MYO16: variants seen among roughly 807,000 people sequenced by gnomAD.
MYO16 encodes the protein unconventional myosin-XVI.
A neutral mutation model predicts 205.3 loss-of-function variants in MYO16; 94 were observed. The ratio of observed to expected loss-of-function variants is 0.46; its 90% CI spans 0.39 to 0.54. The LOEUF (loss-of-function observed/expected upper bound fraction) is 0.54. Among genes scored for constraint, MYO16 ranks in the 20% least tolerant of loss-of-function variants. The pLI, the probability that MYO16 is intolerant of heterozygous loss-of-function variation, is 0.00. For missense variants in MYO16, 2,315 were observed against 2,387.5 expected (o/e 0.97, Z 0.63); for synonymous variants, 988 against 954.0 (o/e 1.04, Z -0.66).
chr13:108,674,299 T>C (rs1882111384), intron 2 of MYO16, among the ~76,000 whole-genome samples: 1 of 152,206 alleles, frequency 6.6e-6, no homozygotes, highest in Non-Finnish European at 1.5e-5. Flanking sequence ...TACTAGATTG[T>C]CTCAGAAGTT....
intron 27 of MYO16, among the ~76,000 whole-genome samples, chr13:109,075,714 T>A (rs1426286776): frequency 6.6e-6 from 1 of 152,234 alleles, no homozygotes; most frequent in Non-Finnish European, 1.5e-5. Context: ...CCTTACATCT[T>A]CTTTAGTGAA....
At chr13:108,967,155 A>ATG (rs71204890) in intron 20 of MYO16, among the ~76,000 whole-genome samples, 5,437 of 124,490 alleles carry the variant, frequency 0.044, 97 homozygotes, top group Middle Eastern at 0.11. Flanking sequence ...GACTATATAT[A>ATG]TGTGTGTGTG....
chr13:108,753,034 C>T (rs1885292318), intron 4 of MYO16, among the ~76,000 whole-genome samples: 1 of 151,810 alleles, frequency 6.6e-6, no homozygotes, highest in Non-Finnish European at 1.5e-5. Context: ...TGAGACATTA[C>T]ACCAATATTT....
Position 108,960,954 on chromosome 13 carries a change from C to A in MYO16, c.2038-585C>A, listed in dbSNP as rs60649738. On this transcript the variant is annotated intron_variant, in intron 17 of 34. Coordinates refer to ENST00000457511, the MANE Select transcript of MYO16 (RefSeq NM_001198950.3). ...ATTTTTTTCTGTTTTCCTTAAAATA[C>A]CTTAAAAAACAATTAGCATTTTTTG... Among the ~76,000 whole-genome samples, 1,210 of 152,232 alleles carry A rather than the reference C, an allele frequency of 7.9e-3. 7 individuals carry two copies. The highest frequency in any genetic ancestry group is 0.027 in the African/African-American group (1,111 of 41,522).
chr13:108,716,016 T>C (rs1566567669), intron 3 of MYO16, among the ~76,000 whole-genome samples: 1 of 151,878 alleles, frequency 6.6e-6, no homozygotes, highest in Non-Finnish European at 1.5e-5. Flanking sequence ...TCTCATAACA[T>C]ACACTCCTTG....
chr13:108,793,922 A>G (rs1886702449), intron 6 of MYO16, among the ~76,000 whole-genome samples: 3 of 152,188 alleles, frequency 2.0e-5, no homozygotes. Flanking sequence ...AAGACATGGA[A>G]TCAACCTAGA....
At chr13:108,543,835 G>T in the MYO16 span, among the ~76,000 whole-genome samples, 1 of 148,458 alleles carries the variant, frequency 6.7e-6, no homozygotes, top group East Asian at 2.0e-4. Flanking sequence ...GGAGGCCGGG[G>T]TGGGTGGATC....
intron 20 of MYO16, among the ~76,000 whole-genome samples, chr13:108,969,187 T>C (rs1257383664): frequency 6.6e-6 from 1 of 152,252 alleles, no homozygotes; most frequent in African/African-American, 2.4e-5. Flanking sequence ...ATGTAGTTTA[T>C]TCATAACTTG....
intron 5 of MYO16, among the ~76,000 whole-genome samples, chr13:108,788,319 C>T (rs945606711): frequency 3.9e-5 from 6 of 152,046 alleles, no homozygotes; most frequent in Non-Finnish European, 7.3e-5. Context: ...CCTGAGCCTG[C>T]CAGGCTGTGA....
At chr13:108,642,255 C>G (rs1471453264) in intron 1 of MYO16, among the ~76,000 whole-genome samples, 2 of 152,170 alleles carry the variant, frequency 1.3e-5, no homozygotes, top group Non-Finnish European at 2.9e-5. Flanking sequence ...ACAGGCACTG[C>G]CCGTGGCATG....
chr13:108,672,185 C>A (rs992484745), intron 2 of MYO16, among the ~76,000 whole-genome samples: 1 of 152,106 alleles, frequency 6.6e-6, no homozygotes, highest in African/African-American at 2.4e-5. Flanking sequence ...AGTATAACGT[C>A]TCTAGCATAT....
At chr13:108,526,802 G>A in the MYO16 span, among the ~76,000 whole-genome samples, 1 of 152,016 alleles carries the variant, frequency 6.6e-6, no homozygotes, top group Middle Eastern at 3.4e-3. Flanking sequence ...TTTTCTGTTG[G>A]TCACTACATC....
chr13:108,957,832 A>G, intron 17 of MYO16, 33 bp downstream of exon 17: 1 of 1,480,854 alleles, frequency 6.8e-7, no homozygotes, highest in Non-Finnish European at 9.4e-7. Flanking sequence ...CACTGAGAAA[A>G]TCAACCTTCT....
chr13:108,548,203 GATA>G, the MYO16 span, among the ~76,000 whole-genome samples: 10 of 150,954 alleles, frequency 6.6e-5, no homozygotes, highest in African/African-American at 1.9e-4. Context: ...TGCTGCATAT[GATA>G]ATGATGATGA....
At chr13:108,645,395 A>G (rs1216726421) in intron 1 of MYO16, among the ~76,000 whole-genome samples, 1 of 152,072 alleles carries the variant, frequency 6.6e-6, no homozygotes, top group Non-Finnish European at 1.5e-5. Flanking sequence ...AGTGTCGAAA[A>G]TGACCTCTAC....
intron 3 of MYO16, among the ~76,000 whole-genome samples, chr13:108,716,605 A>G (rs946484543): frequency 1.5e-4 from 23 of 152,210 alleles, no homozygotes; most frequent in African/African-American, 5.3e-4. Flanking sequence ...GAAAAAGGCA[A>G]TGTAGCCATC....
In MYO16 at chr13:108,852,177, A is replaced by G. The variant is rs74119662; in HGVS notation, c.1249-3266A>G. Among the ~76,000 whole-genome samples the G allele has an allele frequency of 3.6e-3, 550 of 152,186 alleles. 6 individuals are homozygous for G. Among genetic ancestry groups the G allele is most frequent in the African/African-American group, 0.013 (536 of 41,518 alleles). ...TTCAAAGCATCCTGTTTTTCCCTTC[A>G]CGTACATTTTGTACTTGTCATTTCT... On this transcript the variant is annotated intron_variant, in intron 10 of 34. Coordinates refer to ENST00000457511, the MANE Select transcript of MYO16 (RefSeq NM_001198950.3).
intron 15 of MYO16, among the ~76,000 whole-genome samples, chr13:108,901,198 G>T (rs9645871): frequency 6.6e-6 from 1 of 151,948 alleles, no homozygotes; most frequent in Non-Finnish European, 1.5e-5. Context: ...CTGTGATCTC[G>T]CCCTGCCTCC....
At chr13:108,900,473 A>G (rs1464997492) in intron 15 of MYO16, among the ~76,000 whole-genome samples, 2 of 152,252 alleles carry the variant, frequency 1.3e-5, no homozygotes, top group South Asian at 2.1e-4. Context: ...GTGGAAGAAC[A>G]TAAATTGTGA....
Sources: gnomAD v4.1 joint callset for allele counts (sites outside exome capture counted in the v4.1 genomes callset) on GRCh38, gnomAD v4.1.1 for gene constraint, MANE v1.5 for transcripts, NCBI Gene and HGNC (gene_info 2026-07-23, HGNC 2026-07-21) for gene names.